ATRNL1: variants seen among roughly 807,000 people sequenced by gnomAD.
The protein encoded by ATRNL1 is attractin like 1, also known as attractin-like protein 1.
A neutral mutation model predicts 182.7 loss-of-function variants in ATRNL1; 95 were observed. The observed-to-expected ratio is 0.52, with a 90% CI of 0.44 to 0.62. The LOEUF is 0.62. Among genes scored for constraint, ATRNL1 ranks in the 20% least tolerant of loss-of-function variants. ATRNL1 has a pLI of 0.00. For synonymous variants in ATRNL1, 576 were observed against 568.3 expected (o/e 1.01, Z -0.19); for missense variants, 1,471 against 1,679.5 (o/e 0.88, Z 2.17).
chr10:115,257,197 C>G (rs1465240307), intron 10 of ATRNL1, among the ~76,000 whole-genome samples: 1 of 151,650 alleles, frequency 6.6e-6, no homozygotes, highest in Non-Finnish European at 1.5e-5. Context: ...GTTAACCTCT[C>G]TCATTGATCT....
intron 5 of ATRNL1, among the ~76,000 whole-genome samples, chr10:115,154,219 A>G (rs927623098): frequency 1.3e-5 from 2 of 151,804 alleles, no homozygotes; most frequent in Non-Finnish European, 2.9e-5. Context: ...GTAGATGTCT[A>G]TTAGGTCCGC....
intron 26 of ATRNL1, among the ~76,000 whole-genome samples, chr10:115,593,786 G>T (rs1856059389): frequency 6.6e-6 from 1 of 152,080 alleles, no homozygotes; most frequent in Non-Finnish European, 1.5e-5. Context: ...ATAATTCTGA[G>T]ATGGTTGTCA....
intron 27 of ATRNL1, among the ~76,000 whole-genome samples, chr10:115,832,580 C>T (rs1950582805): frequency 6.6e-6 from 1 of 152,116 alleles, no homozygotes; most frequent in South Asian, 2.1e-4. Context: ...CTTCCAGATG[C>T]TAGTATGGAA....
At chr10:115,570,001 C>A (rs1854298014) in intron 26 of ATRNL1, among the ~76,000 whole-genome samples, 1 of 152,128 alleles carries the variant, frequency 6.6e-6, no homozygotes, top group African/African-American at 2.4e-5. Flanking sequence ...AGCTAGCTAG[C>A]TTTCTGCTGG....
chr10:115,171,249 T>A lies in ATRNL1; in HGVS notation c.1305T>A (p.Ser435=). ...DVVMIIIFGY[S]AIYGYTSSIQ... ...TCATGATCATAATATTTGGATATTCTGCAATATATGGTTATACAAGCAGCA... is the reference window on the plus strand; with the variant it reads ...TCATGATCATAATATTTGGATATTCAGCAATATATGGTTATACAAGCAGCA... The change falls in exon 8 of 29, where the codon TCT becomes TCA. Residue 435 remains serine, a synonymous_variant. Coordinates refer to ENST00000355044, the MANE Select transcript of ATRNL1 (RefSeq NM_207303.4). The A allele has an allele frequency of 6.2e-7, 1 of 1,609,420 alleles. No individual in the cohort carries two copies. The highest frequency in any genetic ancestry group is 8.5e-7 in the Non-Finnish European group (1 of 1,176,766).
chr10:115,450,898 A>G (rs1219762228), intron 21 of ATRNL1, among the ~76,000 whole-genome samples: 1 of 152,186 alleles, frequency 6.6e-6, no homozygotes, highest in African/African-American at 2.4e-5. Flanking sequence ...ACAGTAACCA[A>G]AACAGCATGA....
At chr10:115,699,618 A>C (rs1053263389) in intron 26 of ATRNL1, among the ~76,000 whole-genome samples, 1 of 152,192 alleles carries the variant, frequency 6.6e-6, no homozygotes, top group Non-Finnish European at 1.5e-5. Flanking sequence ...AAAGCAAGAT[A>C]TAAAGGACCA....
chr10:115,591,537 A>G (rs782066614), intron 26 of ATRNL1, among the ~76,000 whole-genome samples: 12 of 152,216 alleles, frequency 7.9e-5, no homozygotes, highest in Non-Finnish European at 1.8e-4. Context: ...TCTTTATCAT[A>G]CAAGACTTAT....
intron 19 of ATRNL1, among the ~76,000 whole-genome samples, chr10:115,390,277 A>T (rs1554954062): frequency 6.6e-6 from 1 of 152,164 alleles, no homozygotes; most frequent in South Asian, 2.1e-4. Flanking sequence ...TGCCCAGATC[A>T]ATGTCATGTA....
chr10:115,379,965 T>C (rs1554950636), intron 19 of ATRNL1, among the ~76,000 whole-genome samples: 1 of 152,232 alleles, frequency 6.6e-6, no homozygotes, highest in African/African-American at 2.4e-5. Flanking sequence ...TAGCTGGGAC[T>C]ACGGGTGCCC....
At chr10:115,238,567 A>G (rs1300179779) in intron 9 of ATRNL1, among the ~76,000 whole-genome samples, 2 of 152,116 alleles carry the variant, frequency 1.3e-5, no homozygotes, top group African/African-American at 4.8e-5. Context: ...TCAATTGTAT[A>G]TTACCCTTGT....
At chr10:115,882,723 C>T (rs938905412) in intron 28 of ATRNL1, among the ~76,000 whole-genome samples, 30 of 152,122 alleles carry the variant, frequency 2.0e-4, no homozygotes, top group Admixed American at 1.2e-3. Context: ...AGTAGAATGG[C>T]GTCTCTTCCC....
At chr10:115,740,923 A>G (rs1948122174) in intron 27 of ATRNL1, among the ~76,000 whole-genome samples, 1 of 152,000 alleles carries the variant, frequency 6.6e-6, no homozygotes, top group Non-Finnish European at 1.5e-5. Context: ...TTTATGAAGG[A>G]GTTTTTATTT....
At chr10:115,926,060 C>G (rs1555120045) in intron 28 of ATRNL1, among the ~76,000 whole-genome samples, 2 of 152,058 alleles carry the variant, frequency 1.3e-5, no homozygotes, top group African/African-American at 4.8e-5. Flanking sequence ...ATAACAGTCT[C>G]TCAGACCATA....
rs1554977848 is a variant in ATRNL1 at position 115,495,288 on chromosome 10, T to G, written c.3655-23975T>G. Among the ~76,000 whole-genome samples the G allele has an allele frequency of 1.2e-4, 18 of 152,182 alleles. 1 individual carries two copies. Among genetic ancestry groups the G allele is most frequent in the Non-Finnish European group, 1.5e-5 (1 of 68,030 alleles). Reference sequence around the variant, plus strand: ...CAAAGAATGAAGTGGGTTTGTTAATTTTTTGTATGATTTTGTGTCTCACTA... The same window carrying G: ...CAAAGAATGAAGTGGGTTTGTTAATGTTTTGTATGATTTTGTGTCTCACTA... On this transcript the variant is annotated intron_variant, in intron 24 of 28. Transcript: ENST00000355044.
chr10:115,766,674 G>A (rs1473462824), intron 27 of ATRNL1, among the ~76,000 whole-genome samples: 1 of 152,174 alleles, frequency 6.6e-6, no homozygotes, highest in Non-Finnish European at 1.5e-5. Context: ...GAAGGCGGGG[G>A]ATAGAGTGAA....
intron 26 of ATRNL1, among the ~76,000 whole-genome samples, chr10:115,715,514 G>A (rs1947221256): frequency 6.6e-6 from 1 of 152,174 alleles, no homozygotes; most frequent in Admixed American, 6.5e-5. Context: ...TTACTAGCAA[G>A]TATGGCAACT....
chr10:115,106,804 T>C (rs1554866100), intron 1 of ATRNL1, among the ~76,000 whole-genome samples: 3 of 152,326 alleles, frequency 2.0e-5, no homozygotes, highest in Admixed American at 6.5e-5. Flanking sequence ...TCTCCTTTTC[T>C]TCCCAGTTTT....
chr10:115,259,607 C>T (rs1851310494), intron 10 of ATRNL1, among the ~76,000 whole-genome samples: 1 of 152,148 alleles, frequency 6.6e-6, no homozygotes, highest in Non-Finnish European at 1.5e-5. Flanking sequence ...TTCGGCTCGC[C>T]CTCTGTGGGC....
Sources: gnomAD v4.1 joint callset for allele counts (sites outside exome capture counted in the v4.1 genomes callset) on GRCh38, gnomAD v4.1.1 for gene constraint, MANE v1.5 for transcripts, NCBI Gene and HGNC (gene_info 2026-07-23, HGNC 2026-07-21) for gene names.